The following LUC7L3 variants were observed in gnomAD, a reference collection of about 807,000 sequenced individuals.
LUC7L3 encodes luc7-like protein 3.
Under a neutral mutation model 66.8 loss-of-function variants are expected in LUC7L3, and 6 were observed. The observed-to-expected ratio is 0.09, with a 90% CI of 0.05 to 0.18. The LOEUF (loss-of-function observed/expected upper bound fraction) is 0.18. LUC7L3 is among the 10% of genes least tolerant of loss of function. The pLI is 1.00. For missense variants in LUC7L3, 341 were observed against 531.1 expected (o/e 0.64, Z 3.52); for synonymous variants, 160 against 174.7 (o/e 0.92, Z 0.66).
At chr17:50,737,151 T>C (rs1273259170) in intron 2 of LUC7L3, 125 bp downstream of exon 2, 4 of 685,028 alleles carry the variant, frequency 5.8e-6, no homozygotes, top group Non-Finnish European at 9.9e-6. Context: ...TGCTAATAAG[T>C]AATTTCTTAC....
rs1347005129 is a variant in LUC7L3 at position 50,752,895 on chromosome 17, TGAACTAGAA to T, written c.*2235_*2243del. Reference sequence around the variant, plus strand: ...TGCTTTTAATAGCAAAGATGTGCAGTGAACTAGAATATATTTTTACATCCCTGAGAGATT... The same window carrying T: ...TGCTTTTAATAGCAAAGATGTGCAGTTATATTTTTACATCCCTGAGAGATT... On this transcript the variant is annotated 3_prime_UTR_variant, in exon 10 of 10. Coordinates refer to ENST00000505658, the MANE Select transcript of LUC7L3 (RefSeq NM_016424.5). The T allele has an allele frequency of 2.0e-5, 3 of 152,220 alleles. No homozygotes were observed. Among genetic ancestry groups the T allele is most frequent in the Admixed American group, 6.5e-5 (1 of 15,268 alleles). The allele number at this position is 152,220 out of a possible 1,614,324, so 9.4% of individuals were successfully genotyped here. A position where few individuals can be genotyped will look rare whatever the true frequency, so the allele number is the denominator to read the frequency against.
At chr17:50,742,405 C>T (rs183931003) in intron 5 of LUC7L3, among the ~76,000 whole-genome samples, 28 of 152,248 alleles carry the variant, frequency 1.8e-4, no homozygotes, top group Non-Finnish European at 2.2e-4. Context: ...GTCACCCATG[C>T]TGGAGTGCAG....
At chr17:50,730,580 G>C (rs1969536534) in intron 1 of LUC7L3, among the ~76,000 whole-genome samples, 1 of 147,856 alleles carries the variant, frequency 6.8e-6, no homozygotes, top group African/African-American at 2.5e-5. Context: ...TATTTGATTA[G>C]CTCAAAGGAG....
intron 1 of LUC7L3, among the ~76,000 whole-genome samples, chr17:50,732,534 A>G (rs1463828277): frequency 6.8e-6 from 1 of 148,004 alleles, no homozygotes; most frequent in Non-Finnish European, 1.5e-5. Flanking sequence ...GGTGTGTGAC[A>G]CCATACCTGG....
In LUC7L3 at chr17:50,719,630, G is replaced by T; in HGVS notation, c.-103G>T. ...CTTGTCGGCTCCTGTGTGTAGGAGG[G>T]ATTTCGGCCTGAGAGCGGGCCGAGG... On this transcript the variant is annotated 5_prime_UTR_variant, in exon 1 of 10. Transcript: ENST00000505658. 2.1e-6 allele frequency: 2 copies of T among 941,470 alleles called. No homozygotes were observed. Among genetic ancestry groups the T allele is most frequent in the Middle Eastern group, 2.1e-4 (1 of 4,678 alleles). The allele number at this position is 941,470 out of a possible 1,614,324, so 58.3% of individuals were successfully genotyped here. A position where few individuals can be genotyped will look rare whatever the true frequency, so the allele number is the denominator to read the frequency against.
At chr17:50,735,252 A>G (rs10681978) in intron 1 of LUC7L3, among the ~76,000 whole-genome samples, 3 of 116,378 alleles carry the variant, frequency 2.6e-5, no homozygotes, top group East Asian at 2.6e-4. Context: ...AAAAGAAAAA[A>G]AAAACTTTCG....
rs181418221 is a variant in LUC7L3, at chr17:50,721,580, G to C, written c.99+1749G>C. Among the ~76,000 whole-genome samples, 5 of 152,302 alleles carry C rather than the reference G, an allele frequency of 3.3e-5. No homozygotes were observed. In the East Asian group the frequency reaches 9.6e-4, roughly 29 times the overall value. Reference sequence around the variant, plus strand: ...ATTGAAGGATTTCAAGTCAGTTACTGGCATTTCAGATTGATATCTGCAGGG... The same window carrying C: ...ATTGAAGGATTTCAAGTCAGTTACTCGCATTTCAGATTGATATCTGCAGGG... On this transcript the variant is annotated intron_variant, in intron 1 of 9. Transcript: ENST00000505658.
In LUC7L3 at chr17:50,751,865, T is replaced by C. The variant is rs1458815580; in HGVS notation, c.*1204T>C. ...AATATTAAAAGTTAGGTACTGTAAG[T>C]GTTCTTAAAACCTGTAAACTTCATT... On this transcript the variant is annotated 3_prime_UTR_variant, in exon 10 of 10. Coordinates refer to ENST00000505658, the MANE Select transcript of LUC7L3 (RefSeq NM_016424.5). 1.1e-5 allele frequency: 11 copies of C among 1,014,520 alleles called. No homozygotes were observed. Among genetic ancestry groups the C allele is most frequent in the Non-Finnish European group, 1.3e-5 (11 of 847,502 alleles). The allele number at this position is 1,014,520 out of a possible 1,614,324, so 62.8% of individuals were successfully genotyped here.
Position 50,754,371 on chromosome 17 carries a change from A to G in LUC7L3, c.*3710A>G, listed in dbSNP as rs2143108258. On this transcript the variant is annotated 3_prime_UTR_variant, in exon 10 of 10. Coordinates refer to ENST00000505658, the MANE Select transcript of LUC7L3 (RefSeq NM_016424.5). ...TTCATGAGTGATTGTATTTGTATCC[A>G]CTGTTTTCTATTATTTTCGAGCAAG... is the stretch of plus-strand genomic sequence containing the variant. 6.6e-6 allele frequency: 1 copy of G among 152,322 alleles called. No individual in the cohort carries two copies. The highest frequency in any genetic ancestry group is 2.1e-4 in the South Asian group (1 of 4,830). The allele number at this position is 152,322 out of a possible 1,614,324, so 9.4% of individuals were successfully genotyped here. A position where few individuals can be genotyped will look rare whatever the true frequency, so the allele number is the denominator to read the frequency against.
chr17:50,720,189 G>C (rs1255053350), intron 1 of LUC7L3, among the ~76,000 whole-genome samples: 1 of 152,212 alleles, frequency 6.6e-6, no homozygotes, highest in Non-Finnish European at 1.5e-5. Context: ...CTATAGTTTG[G>C]GTTGAACGTC....
At chr17:50,733,172 A>G (rs1459353431) in intron 1 of LUC7L3, among the ~76,000 whole-genome samples, 1 of 152,180 alleles carries the variant, frequency 6.6e-6, no homozygotes, top group Non-Finnish European at 1.5e-5. Context: ...ACCCTAGAAT[A>G]TATTACTGTA....
rs1970626583 is a variant in LUC7L3 at position 50,745,653 on chromosome 17, T to C, written c.694-67T>C. 6.3e-6 allele frequency: 8 copies of C among 1,279,200 alleles called. No homozygotes were observed. In the South Asian group the frequency reaches 1.2e-4, roughly 19 times the overall value. 79.2% of individuals were successfully genotyped at this position (1,279,200 alleles called of 1,614,324 possible). ...AGTTGGTCTACAGATAACTTCACAT[T>C]AGTTGACCATTGTTTAACAATGCTT... is the stretch of plus-strand genomic sequence containing the variant. On this transcript the variant is annotated intron_variant, in intron 7 of 9. Coordinates refer to ENST00000505658, the MANE Select transcript of LUC7L3 (RefSeq NM_016424.5).
Position 50,719,846 on chromosome 17 carries a change from C to T in LUC7L3, c.99+15C>T. On this transcript the variant is annotated intron_variant, in intron 1 of 9. Transcript: ENST00000505658. ...ACCACGAGAGCGTAAGTCCCGCGGGCCTTGGCCTGAGCCCGGGCTCCGTGG... is the reference window on the plus strand; with the variant it reads ...ACCACGAGAGCGTAAGTCCCGCGGGTCTTGGCCTGAGCCCGGGCTCCGTGG... 1 of 1,452,060 alleles carries T rather than the reference C, an allele frequency of 6.9e-7. No individual in the cohort carries two copies. The highest frequency in any genetic ancestry group is 9.0e-7 in the Non-Finnish European group (1 of 1,107,404). The allele number at this position is 1,452,060 out of a possible 1,614,324, so 89.9% of individuals were successfully genotyped here.
At position 50,754,156 on chromosome 17, in the gene LUC7L3, T is replaced by A. The variant is rs1223798962; in HGVS notation, c.*3495T>A. The A allele has an allele frequency of 1.3e-5, 2 of 152,222 alleles. No homozygotes were observed. The highest frequency in any genetic ancestry group is 2.9e-5 in the Non-Finnish European group (2 of 68,032). 9.4% of individuals were successfully genotyped at this position (152,222 alleles called of 1,614,324 possible). A position where few individuals can be genotyped will look rare whatever the true frequency, so the allele number is the denominator to read the frequency against. On this transcript the variant is annotated 3_prime_UTR_variant, in exon 10 of 10. Transcript: ENST00000505658. ...AGTTGGTGAATATGTATTTTCTCTTTGGAAGGTCTTTAAGGGGAGCAAACC... is the reference window on the plus strand; with the variant it reads ...AGTTGGTGAATATGTATTTTCTCTTAGGAAGGTCTTTAAGGGGAGCAAACC...
intron 1 of LUC7L3, among the ~76,000 whole-genome samples, chr17:50,729,899 TATA>T (rs1969455035): frequency 0.058 from 819 of 14,192 alleles, 21 homozygotes; most frequent in Non-Finnish European, 0.11. Flanking sequence ...AAATACATTA[TATA>T]TATATATATA....
At chr17:50,729,012 A>T (rs1969393014) in intron 1 of LUC7L3, among the ~76,000 whole-genome samples, 1 of 152,190 alleles carries the variant, frequency 6.6e-6, no homozygotes, top group African/African-American at 2.4e-5. Context: ...GGAAACTATG[A>T]CTTCAGTTGA....
chr17:50,740,228 A>G, intron 2 of LUC7L3, 78 bp from the exon 3 acceptor site: 1 of 1,133,314 alleles, frequency 8.8e-7, no homozygotes. Flanking sequence ...TTTAAAAAGA[A>G]AAATAACTCT....
At chr17:50,729,896 TTATATATA>T (rs1156777167) in intron 1 of LUC7L3, among the ~76,000 whole-genome samples, 1,531 of 64,834 alleles carry the variant, frequency 0.024, 17 homozygotes, top group South Asian at 0.037. Flanking sequence ...TATAAATACA[TTATATATA>T]TATATATATA....
intron 1 of LUC7L3, among the ~76,000 whole-genome samples, chr17:50,732,506 C>A (rs1301243214): frequency 6.6e-6 from 1 of 152,036 alleles, no homozygotes; most frequent in Non-Finnish European, 1.5e-5. Context: ...CCTAGCCACC[C>A]AAGTAGCTGG....
Sources: allele counts gnomAD v4.1 joint callset (sites outside exome capture counted in the v4.1 genomes callset), GRCh38; gene constraint gnomAD v4.1.1; transcripts MANE v1.5; gene names NCBI Gene and HGNC (gene_info 2026-07-23, HGNC 2026-07-21).